The following GMDS variants were observed in gnomAD, a reference collection of about 807,000 sequenced individuals.
GMDS encodes GDP-mannose 4,6-dehydratase.
GMDS carries 20 observed loss-of-function variants against 49.9 expected under a neutral mutation model. The ratio of observed to expected loss-of-function variants is 0.40; its 90% CI spans 0.28 to 0.58. GMDS has a LOEUF of 0.58. Ranked by LOEUF, GMDS falls within the 20% of genes least tolerant of loss-of-function variation. The pLI, the probability that GMDS is intolerant of heterozygous loss-of-function variation, is 0.42. For synonymous variants in GMDS, 177 were observed against 178.6 expected, an observed-to-expected ratio of 0.99 and a Z score of 0.07; for missense variants, 362 against 481.4, an observed-to-expected ratio of 0.75 and a Z score of 2.32.
intron 4 of GMDS, among the ~76,000 whole-genome samples, chr6:1,961,321 G>A (rs1763930676): frequency 6.6e-6 from 1 of 152,102 alleles, no homozygotes; most frequent in African/African-American, 2.4e-5. Flanking sequence ...TCTTTGGGGG[G>A]TAGGGACCTA....
chr6:1,854,301 T>G (rs897588086), intron 7 of GMDS, among the ~76,000 whole-genome samples: 3 of 152,208 alleles, frequency 2.0e-5, no homozygotes, highest in Non-Finnish European at 2.9e-5. Flanking sequence ...ATGGCATTAT[T>G]TTACTGCAAA....
chr6:2,091,979 G>C (rs1773344348), intron 4 of GMDS, among the ~76,000 whole-genome samples: 1 of 152,112 alleles, frequency 6.6e-6, no homozygotes, highest in African/African-American at 2.4e-5. Context: ...AGGGCTATAT[G>C]ACCTGGTTTG....
At chr6:2,037,810 T>C (rs1178711364) in intron 4 of GMDS, among the ~76,000 whole-genome samples, 1 of 152,010 alleles carries the variant, frequency 6.6e-6, no homozygotes, top group African/African-American at 2.4e-5. Context: ...AACCTGCACA[T>C]GGTTTCTAAA....
intron 7 of GMDS, among the ~76,000 whole-genome samples, chr6:1,808,107 T>A (rs1027886603): frequency 6.6e-6 from 1 of 152,210 alleles, no homozygotes; most frequent in African/African-American, 2.4e-5. Flanking sequence ...ATTAAACTGA[T>A]AACTTCTTGT....
chr6:1,981,411 A>G (rs1340754517), intron 4 of GMDS, among the ~76,000 whole-genome samples: 1 of 152,210 alleles, frequency 6.6e-6, no homozygotes, highest in Non-Finnish European at 1.5e-5. Context: ...AAACACCTAT[A>G]AGCACATAAA....
At chr6:1,798,569 G>A (rs1418002238) in intron 7 of GMDS, among the ~76,000 whole-genome samples, 1 of 152,130 alleles carries the variant, frequency 6.6e-6, no homozygotes, top group Non-Finnish European at 1.5e-5. Context: ...AGAAGCGTGA[G>A]GCTCCTTTGG....
At chr6:1,864,568 T>C (rs1000744640) in intron 7 of GMDS, among the ~76,000 whole-genome samples, 4 of 152,172 alleles carry the variant, frequency 2.6e-5, no homozygotes, top group African/African-American at 7.2e-5. Flanking sequence ...ATGATCCCCA[T>C]TTCTGGTCTT....
intron 9 of GMDS, among the ~76,000 whole-genome samples, chr6:1,671,756 C>G (rs1390367715): frequency 6.9e-6 from 1 of 144,290 alleles, no homozygotes; most frequent in East Asian, 2.0e-4. Context: ...CCTCTGCCCC[C>G]CGGGTTCAAC....
At chr6:2,121,716 A>T (rs1278027931) in intron 2 of GMDS, among the ~76,000 whole-genome samples, 1 of 152,198 alleles carries the variant, frequency 6.6e-6, no homozygotes, top group Non-Finnish European at 1.5e-5. Context: ...TAAGTTATTT[A>T]TACTTTCATT....
chr6:1,711,212 A>AG (rs1191544688), intron 9 of GMDS, among the ~76,000 whole-genome samples: 1 of 152,260 alleles, frequency 6.6e-6, no homozygotes, highest in East Asian at 1.9e-4. Flanking sequence ...ACTGCAGCCC[A>AG]GGGCACAGCT....
chr6:1,916,092 T>G (rs1293464258), intron 7 of GMDS, among the ~76,000 whole-genome samples: 2 of 152,218 alleles, frequency 1.3e-5, no homozygotes, highest in African/African-American at 4.8e-5. Flanking sequence ...GTGTAAAAAC[T>G]GTCATTAAGC....
chr6:1,629,243 G>C (rs1358250448), intron 9 of GMDS, among the ~76,000 whole-genome samples: 1 of 152,202 alleles, frequency 6.6e-6, no homozygotes, highest in African/African-American at 2.4e-5. Flanking sequence ...TTCCCAAAGA[G>C]GGAGCGAATG....
chr6:2,200,136 G>C (rs1779443870), intron 1 of GMDS, among the ~76,000 whole-genome samples: 1 of 152,144 alleles, frequency 6.6e-6, no homozygotes, highest in Admixed American at 6.5e-5. Flanking sequence ...AGAGACTCCA[G>C]CAGTAAACAG....
intron 7 of GMDS, among the ~76,000 whole-genome samples, chr6:1,890,579 G>A (rs1414777780): frequency 6.6e-6 from 1 of 151,976 alleles, no homozygotes; most frequent in Non-Finnish European, 1.5e-5. Context: ...CTTTGATGGA[G>A]TCCATTTTAT....
chr6:1,853,424 A>T (rs1159823790), intron 7 of GMDS, among the ~76,000 whole-genome samples: 1 of 143,290 alleles, frequency 7.0e-6, no homozygotes, highest in Non-Finnish European at 1.5e-5. Flanking sequence ...AGGCTGAGGC[A>T]GGAGAATGGC....
Position 1,995,802 on chromosome 6 carries a change from C to A in GMDS, c.346-34836G>T, listed in dbSNP as rs1401119808. Among the ~76,000 whole-genome samples, 4 of 152,338 alleles carry A rather than the reference C, an allele frequency of 2.6e-5. 1 individual carries two copies. The highest frequency in any genetic ancestry group is 4.1e-4 in the South Asian group (2 of 4,824). ...GCTCTCCACTGACTGGGAAGAGAAG[C>A]TGAACCTGGTTCTGGGAACACCTCC... On this transcript the variant is annotated intron_variant, in intron 4 of 10. Transcript: ENST00000380815.
chr6:1,944,378 G>A (rs1229384581), intron 6 of GMDS, among the ~76,000 whole-genome samples: 4 of 152,076 alleles, frequency 2.6e-5, no homozygotes, highest in African/African-American at 7.2e-5. Context: ...GGTGGCGGGC[G>A]CCTGTAGTCC....
chr6:1,741,489 ATTTTC>A (rs888958485), intron 8 of GMDS, among the ~76,000 whole-genome samples: 8 of 151,456 alleles, frequency 5.3e-5, no homozygotes, highest in African/African-American at 1.9e-4. Context: ...AATTTGGAAA[ATTTTC>A]CAAATTTCTT....
At chr6:1,997,464 C>T (rs868256293) in intron 4 of GMDS, among the ~76,000 whole-genome samples, 27 of 146,572 alleles carry the variant, frequency 1.8e-4, no homozygotes, top group South Asian at 1.3e-3. Flanking sequence ...GCTGAGATCG[C>T]GCCACTGCAC....
Sources: gnomAD v4.1 joint callset for allele counts (sites outside exome capture counted in the v4.1 genomes callset) on GRCh38, gnomAD v4.1.1 for gene constraint, MANE v1.5 for transcripts, NCBI Gene and HGNC (gene_info 2026-07-23, HGNC 2026-07-21) for gene names.